Variants in SCAMP1 observed in about 807,000 individuals in gnomAD.
SCAMP1 encodes the protein secretory carrier-associated membrane protein 1.
SCAMP1 carries 15 observed loss-of-function variants against 41.8 expected under a neutral mutation model. The ratio of observed to expected loss-of-function variants is 0.36; its 90% CI spans 0.24 to 0.55. The LOEUF (loss-of-function observed/expected upper bound fraction) is 0.55. Among genes scored for constraint, SCAMP1 ranks in the 20% least tolerant of loss-of-function variants. The pLI is 0.86. For synonymous variants in SCAMP1, 135 were observed against 136.8 expected, an observed-to-expected ratio of 0.99 and a Z score of 0.09; for missense variants, 341 against 412.6, an observed-to-expected ratio of 0.83 and a Z score of 1.50.
intron 2 of SCAMP1, among the ~76,000 whole-genome samples, chr5:78,408,815 G>T (rs1751996522): frequency 6.6e-6 from 1 of 152,022 alleles, no homozygotes; most frequent in African/African-American, 2.4e-5. Flanking sequence ...GCCCAGGCTG[G>T]TCTCAATCTC....
intron 1 of SCAMP1, among the ~76,000 whole-genome samples, chr5:78,385,180 G>A (rs1277104408): frequency 3.3e-5 from 5 of 152,100 alleles, no homozygotes; most frequent in Non-Finnish European, 5.9e-5. Context: ...TTCTACAAGG[G>A]TTGTATATTT....
At chr5:78,407,695 A>T in intron 2 of SCAMP1, among the ~76,000 whole-genome samples, 1 of 149,590 alleles carries the variant, frequency 6.7e-6, no homozygotes, top group Admixed American at 6.6e-5. Context: ...ATGTCTTATA[A>T]TTTCTCATAT....
intron 2 of SCAMP1, among the ~76,000 whole-genome samples, chr5:78,392,857 ATTGAT>A (rs1253445993): frequency 4.7e-4 from 71 of 152,150 alleles, no homozygotes; most frequent in Non-Finnish European, 1.0e-4. Context: ...TAGTTAGATA[ATTGAT>A]TTAAGTGGTA....
chr5:78,422,359 A>G (rs1752358974), intron 6 of SCAMP1, among the ~76,000 whole-genome samples: 1 of 151,744 alleles, frequency 6.6e-6, no homozygotes, highest in Non-Finnish European at 1.5e-5. Context: ...GTAAATATAC[A>G]TGCAATATTT....
At chr5:78,400,870 T>G (rs1751781735) in intron 2 of SCAMP1, among the ~76,000 whole-genome samples, 1 of 152,170 alleles carries the variant, frequency 6.6e-6, no homozygotes, top group Non-Finnish European at 1.5e-5. Flanking sequence ...GGACTTCTAG[T>G]ACAATGTTGA....
intron 7 of SCAMP1, among the ~76,000 whole-genome samples, chr5:78,451,887 T>C (rs1753242642): frequency 6.6e-6 from 1 of 152,238 alleles, no homozygotes; most frequent in Non-Finnish European, 1.5e-5. Context: ...AGTCCTGGCC[T>C]CGTGTGATCT....
chr5:78,368,807 C>T (rs1428914676), intron 1 of SCAMP1, among the ~76,000 whole-genome samples: 1 of 151,922 alleles, frequency 6.6e-6, no homozygotes, highest in African/African-American at 2.4e-5. Context: ...TTAAAGTGTT[C>T]TTAGGTAAGT....
chr5:78,438,921 A>G (rs1752842279), intron 6 of SCAMP1, among the ~76,000 whole-genome samples: 1 of 152,190 alleles, frequency 6.6e-6, no homozygotes, highest in African/African-American at 2.4e-5. Context: ...ATATATATTT[A>G]GGATAGTTAG....
chr5:78,380,311 A>G (rs1243968907), intron 1 of SCAMP1, among the ~76,000 whole-genome samples: 1 of 152,210 alleles, frequency 6.6e-6, no homozygotes. Context: ...GTAGGTTCCT[A>G]GAAGTGAGAC....
intron 2 of SCAMP1, among the ~76,000 whole-genome samples, chr5:78,392,028 G>A (rs1751526947): frequency 7.7e-4 from 1 of 1,292 alleles, no homozygotes; most frequent in African/African-American, 3.9e-3. Context: ...GGAGAGAGAG[G>A]GAGAGGGAGA....
intron 2 of SCAMP1, among the ~76,000 whole-genome samples, chr5:78,401,861 G>A (rs1193266508): frequency 6.6e-6 from 1 of 151,826 alleles, no homozygotes; most frequent in Non-Finnish European, 1.5e-5. Context: ...CTTTCCTTCT[G>A]CTTATTTTGG....
intron 1 of SCAMP1, among the ~76,000 whole-genome samples, chr5:78,379,101 G>A (rs1389640350): frequency 6.6e-6 from 1 of 152,174 alleles, no homozygotes; most frequent in Non-Finnish European, 1.5e-5. Context: ...TTATTAATAA[G>A]GAATTAGGAA....
chr5:78,432,106 G>A (rs969036815), intron 6 of SCAMP1, among the ~76,000 whole-genome samples: 34 of 151,766 alleles, frequency 2.2e-4, no homozygotes, highest in Non-Finnish European at 4.1e-4. Flanking sequence ...TACCTCTCCG[G>A]TGCCCTGGCT....
At chr5:78,406,973 G>T (rs749046318) in intron 2 of SCAMP1, among the ~76,000 whole-genome samples, 2 of 152,072 alleles carry the variant, frequency 1.3e-5, no homozygotes, top group African/African-American at 2.4e-5. Flanking sequence ...TTTTTCCCAG[G>T]TACAGCCAAA....
chr5:78,381,576 T>TC, intron 1 of SCAMP1, among the ~76,000 whole-genome samples: 1 of 152,366 alleles, frequency 6.6e-6, no homozygotes, highest in South Asian at 2.1e-4. Flanking sequence ...ACACATGCCT[T>TC]CTCTCTTGAT....
At chr5:78,466,287 G>A (rs980142895) in intron 8 of SCAMP1, among the ~76,000 whole-genome samples, 8 of 152,316 alleles carry the variant, frequency 5.3e-5, no homozygotes, top group South Asian at 2.1e-4. Context: ...AAATAAATTG[G>A]TGGGCCCCCC....
At chr5:78,392,026 AGG>A (rs1751526822) in intron 2 of SCAMP1, among the ~76,000 whole-genome samples, 1 of 1,278 alleles carries the variant, frequency 7.8e-4, no homozygotes, top group Non-Finnish European at 3.4e-3. Flanking sequence ...AGGGAGAGAG[AGG>A]GAGAGGGAGA....
At chr5:78,440,911 G>A (rs1489777287) in intron 6 of SCAMP1, among the ~76,000 whole-genome samples, 1 of 152,204 alleles carries the variant, frequency 6.6e-6, no homozygotes, top group Non-Finnish European at 1.5e-5. Flanking sequence ...AGCAGTGGTG[G>A]ACGCCCCTCT....
In SCAMP1 at chr5:78,426,703, A is replaced by T. The variant is rs192983703; in HGVS notation, c.632+4743A>T. On this transcript the variant is annotated intron_variant, in intron 6 of 8. Coordinates refer to ENST00000621999, the MANE Select transcript of SCAMP1 (RefSeq NM_004866.6). ...TCCATCCTTCCCAAAATTTCCCTGGATTCATTTGCACACAATTCTCATTCC... is the reference window on the plus strand; with the variant it reads ...TCCATCCTTCCCAAAATTTCCCTGGTTTCATTTGCACACAATTCTCATTCC... Among the ~76,000 whole-genome samples the T allele has an allele frequency of 9.6e-4, 146 of 152,278 alleles. 3 individuals carry two copies. Among genetic ancestry groups the T allele is most frequent in the Admixed American group, 8.8e-3 (135 of 15,286 alleles).
Sources: allele counts gnomAD v4.1 joint callset (sites outside exome capture counted in the v4.1 genomes callset), GRCh38; gene constraint gnomAD v4.1.1; transcripts MANE v1.5; gene names NCBI Gene and HGNC (gene_info 2026-07-23, HGNC 2026-07-21).